Variants in PGPEP1L observed in about 807,000 individuals in gnomAD.
The protein encoded by PGPEP1L is pyroglutamyl-peptidase 1-like protein.
PGPEP1L carries 7 observed loss-of-function variants against 6.0 expected under a neutral mutation model. That is an observed-to-expected ratio of 1.17 (90% CI 0.66 to 2.19). PGPEP1L has a LOEUF of 2.19. Among genes scored for constraint, PGPEP1L ranks in the 30% most tolerant of loss-of-function variants. The pLI is 0.00. For missense variants in PGPEP1L, 209 were observed against 192.5 expected, an observed-to-expected ratio of 1.09 and a Z score of -0.51; for synonymous variants, 103 against 83.9, an observed-to-expected ratio of 1.23 and a Z score of -1.24.
At chr15:99,000,056 C>T (rs902807497) in intron 2 of PGPEP1L, among the ~76,000 whole-genome samples, 1 of 152,232 alleles carries the variant, frequency 6.6e-6, no homozygotes, top group Admixed American at 6.5e-5. Flanking sequence ...GAGGGAGAGG[C>T]GCGGGCGGGA....
Position 98,968,362 on chromosome 15 carries a change from G to C in PGPEP1L, c.*116C>G, listed in dbSNP as rs2017433509. 1.9e-6 allele frequency: 2 copies of C among 1,026,058 alleles called. No individual in the cohort carries two copies. The highest frequency in any genetic ancestry group is 2.9e-6 in the Non-Finnish European group (2 of 698,850). 63.6% of individuals were successfully genotyped at this position (1,026,058 alleles called of 1,614,324 possible). On this transcript the variant is annotated 3_prime_UTR_variant, in exon 5 of 5. Coordinates refer to ENST00000535714, the MANE Select transcript of PGPEP1L (RefSeq NM_001167902.2). ...TTTGTGATTTTGTTGGGCTAATTCA[G>C]AGTTTTCCACCCTCTTTGTCTTACA...
chr15:98,980,577 G>A (rs777326951), intron 2 of PGPEP1L, among the ~76,000 whole-genome samples: 1 of 152,168 alleles, frequency 6.6e-6, no homozygotes, highest in East Asian at 1.9e-4. Context: ...CCCCACTCGA[G>A]TGTGGGCTGC....
intron 3 of PGPEP1L, 34 bp downstream of exon 3, chr15:98,971,002 G>A (rs1456521250): frequency 6.2e-7 from 1 of 1,611,834 alleles, no homozygotes; most frequent in Non-Finnish European, 8.5e-7. Flanking sequence ...CACATCGCCA[G>A]TCCCATGCCC....
intron 2 of PGPEP1L, among the ~76,000 whole-genome samples, chr15:98,991,176 C>T (rs1054149757): frequency 6.6e-5 from 10 of 151,938 alleles, no homozygotes; most frequent in African/African-American, 1.9e-4. Context: ...AATCCAGGAG[C>T]TGGTTTTTTG....
At chr15:98,972,820 G>A (rs2017517162) in intron 2 of PGPEP1L, among the ~76,000 whole-genome samples, 2 of 136,352 alleles carry the variant, frequency 1.5e-5, no homozygotes, top group South Asian at 4.8e-4. Flanking sequence ...GCAGTGAGCA[G>A]AGACCGTGCA....
intron 1 of PGPEP1L, among the ~76,000 whole-genome samples, chr15:99,006,607 T>C (rs1246988795): frequency 1.3e-5 from 2 of 152,210 alleles, no homozygotes; most frequent in Non-Finnish European, 2.9e-5. Flanking sequence ...GGTAGGAGGA[T>C]AGCCTGAGGC....
chr15:98,983,148 G>T (rs2017692263), intron 2 of PGPEP1L, among the ~76,000 whole-genome samples: 1 of 83,626 alleles, frequency 1.2e-5, no homozygotes, highest in African/African-American at 4.8e-5. Flanking sequence ...AAGAATAAAG[G>T]TTCTCTTGGG....
chr15:98,989,584 CA>C (rs1555471851), intron 2 of PGPEP1L, among the ~76,000 whole-genome samples: 1 of 152,158 alleles, frequency 6.6e-6, no homozygotes, highest in Non-Finnish European at 1.5e-5. Flanking sequence ...AGAACTTCCC[CA>C]ACCTAGCAAG....
intron 2 of PGPEP1L, among the ~76,000 whole-genome samples, chr15:98,985,470 G>T (rs901269078): frequency 2.6e-5 from 4 of 152,164 alleles, no homozygotes; most frequent in Admixed American, 1.3e-4. Context: ...CCCGGGAAGC[G>T]GAAGTTGCAG....
At position 99,007,715 on chromosome 15, in the gene PGPEP1L, A is replaced by AAGC. The variant is rs1421503796; in HGVS notation, c.-729_-727dup. 6.6e-6 allele frequency: 1 copy of AAGC among 152,198 alleles called. No individual in the cohort carries two copies. 9.4% of individuals were successfully genotyped at this position (152,198 alleles called of 1,614,324 possible). A position where few individuals can be genotyped will look rare whatever the true frequency, so the allele number is the denominator to read the frequency against. On this transcript the variant is annotated 5_prime_UTR_variant, in exon 1 of 5. Transcript: ENST00000535714. ...TAAAGGCAGTGCGGACCCAAACAGT[A>AAGC]AGCAGCAGCAACGGTTATTGCAAAC...
intron 2 of PGPEP1L, among the ~76,000 whole-genome samples, chr15:98,987,351 C>G (rs760165614): frequency 1.3e-5 from 2 of 152,102 alleles, no homozygotes; most frequent in Non-Finnish European, 2.9e-5. Context: ...GCAGCCAGGA[C>G]AGGGTCACAT....
At chr15:98,985,170 G>A (rs945875991) in intron 2 of PGPEP1L, among the ~76,000 whole-genome samples, 1 of 152,182 alleles carries the variant, frequency 6.6e-6, no homozygotes, top group Admixed American at 6.5e-5. Context: ...ATAGGGCTGA[G>A]GCATTAGGGT....
intron 2 of PGPEP1L, among the ~76,000 whole-genome samples, chr15:98,996,212 A>G (rs555016034): frequency 6.6e-6 from 1 of 152,080 alleles, no homozygotes; most frequent in Non-Finnish European, 1.5e-5. Flanking sequence ...GCTTCTCTGT[A>G]TATTTGGTGA....
chr15:98,975,858 G>A (rs1045159966), intron 2 of PGPEP1L, among the ~76,000 whole-genome samples: 5 of 152,086 alleles, frequency 3.3e-5, no homozygotes, highest in Non-Finnish European at 7.3e-5. Context: ...TCCAGCTTGG[G>A]CGACAGAGCG....
rs767437649 is a variant in PGPEP1L at position 98,968,643 on chromosome 15, C to T, written c.264G>A (p.Ala88=). The T allele has an allele frequency of 9.4e-6, 15 of 1,598,270 alleles. No individual in the cohort carries two copies. The South Asian group carries it at 1.2e-4, about 13-fold the overall frequency. ...YLSLHHGKGC[A]ALIHVPPLSR... ...ATAGTGGAGGGACATGGATGAGTGC[C>T]GCGCAGCCCTTTCCATGATGCAGAG... Residue 88 remains alanine (A), a synonymous_variant, in exon 5 of 5, where the codon GCG becomes GCA. Coordinates refer to ENST00000535714, the MANE Select transcript of PGPEP1L (RefSeq NM_001167902.2).
chr15:98,985,635 CG>C (rs2017736979), intron 2 of PGPEP1L, among the ~76,000 whole-genome samples: 1 of 152,214 alleles, frequency 6.6e-6, no homozygotes, highest in African/African-American at 2.4e-5. Flanking sequence ...AGGAGAAGAG[CG>C]CAAGTGGGCT....
intron 2 of PGPEP1L, chr15:98,998,234 C>T (rs912095374): frequency 2.6e-5 from 4 of 152,632 alleles, no homozygotes; most frequent in Non-Finnish European, 5.9e-5. Context: ...TGGCTGCACT[C>T]GAGCACCAGG....
chr15:99,004,427 A>G (rs538213788), intron 2 of PGPEP1L, among the ~76,000 whole-genome samples: 2 of 148,922 alleles, frequency 1.3e-5, no homozygotes, highest in South Asian at 4.3e-4. Flanking sequence ...AAAATATAAA[A>G]ATAAAAATAG....
At chr15:98,978,799 G>A (rs1297329572) in intron 2 of PGPEP1L, among the ~76,000 whole-genome samples, 2 of 143,574 alleles carry the variant, frequency 1.4e-5, no homozygotes, top group Non-Finnish European at 3.0e-5. Flanking sequence ...GCATGATCTC[G>A]GCTCACCGCA....
Sources: allele counts gnomAD v4.1 joint callset (sites outside exome capture counted in the v4.1 genomes callset), GRCh38; gene constraint gnomAD v4.1.1; transcripts MANE v1.5; gene names NCBI Gene and HGNC (gene_info 2026-07-23, HGNC 2026-07-21).